Variants in PDXDC1 observed in about 807,000 individuals in gnomAD.
PDXDC1 encodes pyridoxal dependent decarboxylase domain containing 1.
In PDXDC1, 42 loss-of-function variants were observed where a neutral mutation model predicts 100.1. The observed-to-expected ratio is 0.42, with a 90% CI of 0.33 to 0.54. The LOEUF is 0.54. Ranked by LOEUF, PDXDC1 falls within the 20% of genes least tolerant of loss-of-function variation. The pLI, the probability that PDXDC1 is intolerant of heterozygous loss-of-function variation, is 0.10. For missense variants in PDXDC1, 636 were observed against 979.2 expected, an observed-to-expected ratio of 0.65 and a Z score of 4.68; for synonymous variants, 260 against 371.7, an observed-to-expected ratio of 0.70 and a Z score of 3.46.
chr16:15,060,526 A>T (rs1479629882), intron 16 of PDXDC1: 1 of 154,680 alleles, frequency 6.5e-6, no homozygotes, highest in Non-Finnish European at 1.4e-5. Flanking sequence ...AGTGGCAGAA[A>T]ATAAATATGC....
chr16:15,005,321 G>GAAAA (rs1974041083), intron 5 of PDXDC1, among the ~76,000 whole-genome samples: 13 of 85,076 alleles, frequency 1.5e-4, no homozygotes, highest in East Asian at 8.5e-4. Context: ...AAAAAAAAAA[G>GAAAA]AAAACTCTGT....
At chr16:14,990,362 C>G (rs781673497) in intron 1 of PDXDC1, among the ~76,000 whole-genome samples, 13 of 152,286 alleles carry the variant, frequency 8.5e-5, no homozygotes, top group Non-Finnish European at 1.6e-4. Flanking sequence ...TTGTGTCTGG[C>G]TGTTGCCCTG....
At chr16:15,109,247 A>G (rs371543811) in intron 16 of PDXDC1, 4 of 148,932 alleles carry the variant, frequency 2.7e-5, no homozygotes, top group African/African-American at 7.3e-5. Context: ...CAAGCATTGA[A>G]TTCAACAATC....
chr16:15,036,239 C>A lies in PDXDC1; in HGVS notation c.2331C>A (p.Asp777Glu). 6.2e-7 allele frequency: 1 copy of A among 1,613,964 alleles called. No homozygotes were observed. The highest frequency in any genetic ancestry group is 8.5e-7 in the Non-Finnish European group (1 of 1,179,870). Residue 777 changes from aspartate (D) to glutamate (E), a missense_variant, in exon 23 of 23, where the codon GAC becomes GAA. Around this residue, in one of 4 missense-constraint regions of PDXDC1, gnomAD observed 452 missense variants for 402.9 expected, o/e 1.12. Coordinates refer to ENST00000396410, the MANE Select transcript of PDXDC1 (RefSeq NM_015027.4). Reference protein sequence around the residue: ...FQKGVPHPEDDHSQVEGPESL... With the variant: ...FQKGVPHPEDEHSQVEGPESL... Reference sequence around the variant, plus strand: ...AAGGGGTCCCACACCCAGAAGATGACCACTCACAGGTAGAAGGACCGGAGA... The same window carrying A: ...AAGGGGTCCCACACCCAGAAGATGAACACTCACAGGTAGAAGGACCGGAGA...
chr16:15,033,188 T>G, intron 18 of PDXDC1, 90 bp from the exon 19 acceptor site: 1 of 1,416,836 alleles, frequency 7.1e-7, no homozygotes. Context: ...CCCCTTTGTG[T>G]GTGGTCAGGA....
At chr16:15,096,724 C>T (rs1427245689) in intron 16 of PDXDC1, among the ~76,000 whole-genome samples, 1 of 152,254 alleles carries the variant, frequency 6.6e-6, no homozygotes, top group African/African-American at 2.4e-5. Flanking sequence ...ATTGTCTAGC[C>T]CAAGTTAGAG....
chr16:15,083,968 G>A (rs2941251), intron 16 of PDXDC1, among the ~76,000 whole-genome samples: 98,337 of 151,384 alleles, frequency 0.65, 33,739 homozygotes, highest in Non-Finnish European at 0.75. Flanking sequence ...CGCCCGCCTC[G>A]GCCTCCCAAA....
chr16:15,081,525 G>A (rs1161047379), intron 16 of PDXDC1, among the ~76,000 whole-genome samples: 2 of 151,992 alleles, frequency 1.3e-5, no homozygotes, highest in Non-Finnish European at 2.9e-5. Flanking sequence ...CACTTCAGTT[G>A]GGCTATTTGC....
chr16:15,137,332 G>C (rs1311028509), intron 16 of PDXDC1: 2 of 1,430,172 alleles, frequency 1.4e-6, no homozygotes, highest in Non-Finnish European at 9.5e-7. Flanking sequence ...CGGAGCAGAG[G>C]GACAGGCAGG....
intron 16 of PDXDC1, among the ~76,000 whole-genome samples, chr16:15,049,836 CTA>C (rs2044229036): frequency 1.3e-5 from 2 of 152,146 alleles, no homozygotes; most frequent in African/African-American, 2.4e-5. Flanking sequence ...GAAATGAAAA[CTA>C]TGGGAAAAAG....
chr16:15,049,180 CG>C (rs1199940369), intron 16 of PDXDC1, among the ~76,000 whole-genome samples: 3 of 151,662 alleles, frequency 2.0e-5, no homozygotes, highest in Non-Finnish European at 4.4e-5. Context: ...AGGCACACAC[CG>C]CCACACCTGG....
At chr16:15,054,553 C>T (rs2044424396) in intron 16 of PDXDC1, among the ~76,000 whole-genome samples, 1 of 152,194 alleles carries the variant, frequency 6.6e-6, no homozygotes, top group Non-Finnish European at 1.5e-5. Context: ...TAAAGTGACA[C>T]GCCACCACGC....
rs1316965001 is a variant in PDXDC1 at position 15,127,381 on chromosome 16, G to A, written c.1400-11498G>A. ...CCTTTGGTGGACGCCTTTCCCTCTGGCTGCAGCACTGGAAAGTGGCGGCTC... is the reference window on the plus strand; with the variant it reads ...CCTTTGGTGGACGCCTTTCCCTCTGACTGCAGCACTGGAAAGTGGCGGCTC... On this transcript the variant is annotated intron_variant, in intron 16 of 16. Transcript: ENST00000535621. 4.0e-6 allele frequency: 4 copies of A among 1,006,502 alleles called. No homozygotes were observed. In the South Asian group the frequency reaches 5.5e-5, roughly 14 times the overall value. The allele number at this position is 1,006,502 out of a possible 1,614,324, so 62.3% of individuals were successfully genotyped here.
chr16:14,992,068 CT>C (rs1436838640), intron 1 of PDXDC1, among the ~76,000 whole-genome samples: 2 of 152,272 alleles, frequency 1.3e-5, no homozygotes, highest in Non-Finnish European at 2.9e-5. Context: ...CACATTTATA[CT>C]GGAAAGCACA....
At chr16:15,124,556 C>G (rs2047600174) in intron 16 of PDXDC1, among the ~76,000 whole-genome samples, 1 of 150,336 alleles carries the variant, frequency 6.7e-6, no homozygotes, top group East Asian at 1.9e-4. Flanking sequence ...GGGCGGATCA[C>G]AAGGTCAGGA....
intron 16 of PDXDC1, chr16:15,074,890 T>A: frequency 6.3e-7 from 1 of 1,585,454 alleles, no homozygotes; most frequent in South Asian, 1.1e-5. Flanking sequence ...AATACTAACA[T>A]TAAAAAATTC....
chr16:15,104,247 A>C (rs2046678430), intron 16 of PDXDC1: 2 of 1,294,434 alleles, frequency 1.5e-6, no homozygotes, highest in Non-Finnish European at 1.0e-6. Flanking sequence ...ACGATTAAAA[A>C]CCTCAGGTCC....
chr16:15,059,218 A>G (rs544619000), intron 16 of PDXDC1, among the ~76,000 whole-genome samples: 1 of 152,300 alleles, frequency 6.6e-6, no homozygotes, highest in Non-Finnish European at 1.5e-5. Context: ...TTAGTTTCTC[A>G]GCACTCCAAG....
intron 16 of PDXDC1, chr16:15,104,701 G>C (rs750713839): frequency 6.3e-7 from 1 of 1,597,574 alleles, no homozygotes; most frequent in Non-Finnish European, 8.5e-7. Context: ...TCAGCTGTGA[G>C]GTAGGGCCAG....
Sources: allele counts gnomAD v4.1 joint callset (sites outside exome capture counted in the v4.1 genomes callset), GRCh38; gene constraint gnomAD v4.1.1; regional missense constraint gnomAD v4.1.1; transcripts MANE v1.5; gene names NCBI Gene and HGNC (gene_info 2026-07-23, HGNC 2026-07-21).